The following HFM1 variants were observed in gnomAD, a reference collection of about 807,000 sequenced individuals.
HFM1 encodes helicase for meiosis 1, also known as probable ATP-dependent DNA helicase HFM1.
Under a neutral mutation model 192.1 loss-of-function variants are expected in HFM1, and 169 were observed. The ratio of observed to expected loss-of-function variants is 0.88; its 90% CI spans 0.78 to 1.00. The LOEUF (loss-of-function observed/expected upper bound fraction) is 1.00, where lower values mean the gene tolerates loss of function less well. Ranked by LOEUF, HFM1 falls within the 50% of genes least tolerant of loss-of-function variation. The probability of loss-of-function intolerance (pLI) is 0.00; values close to 1 mark genes in which losing one functional copy is unlikely to be tolerated. For synonymous variants in HFM1, 525 were observed against 537.8 expected, an observed-to-expected ratio of 0.98 and a Z score of 0.33; for missense variants, 1,661 against 1,668.0, an observed-to-expected ratio of 1.00 and a Z score of 0.07.
intron 13 of HFM1, among the ~76,000 whole-genome samples, chr1:91,366,495 T>C (rs1310727100): frequency 6.6e-6 from 1 of 152,236 alleles, no homozygotes; most frequent in Non-Finnish European, 1.5e-5. Context: ...TGTTTAGACC[T>C]ACTTACAGCC....
rs762279653 is a variant in HFM1, at chr1:91,337,067, T to C, written c.2335+6363A>G. Among the ~76,000 whole-genome samples, 63 of 152,080 alleles carry C rather than the reference T, an allele frequency of 4.1e-4. 1 individual carries two copies. The highest frequency in any genetic ancestry group is 6.8e-3 in the Middle Eastern group (2 of 294). ...GACGCGTTGTGGGGAACAACACACG[T>C]TGGGGTCTGTTGGGGAGGGCGAGGG... is the stretch of plus-strand genomic sequence containing the variant. On this transcript the variant is annotated intron_variant, in intron 20 of 38. Coordinates refer to ENST00000370425, the MANE Select transcript of HFM1 (RefSeq NM_001017975.6).
chr1:91,378,295 C>G, intron 10 of HFM1, 108 bp downstream of exon 10: 1 of 1,236,538 alleles, frequency 8.1e-7, no homozygotes, highest in Admixed American at 2.1e-5. Context: ...GCATTTTCCA[C>G]TTGAAGGGAT....
intron 30 of HFM1, among the ~76,000 whole-genome samples, chr1:91,299,853 C>G (rs1557809662): frequency 6.6e-6 from 1 of 151,898 alleles, no homozygotes; most frequent in Non-Finnish European, 1.5e-5. Context: ...AAATTGACAC[C>G]CTAACATCAG....
chr1:91,353,108 G>A lies in HFM1; in HGVS notation c.1774C>T (p.Leu592=). ...CCCTCAACTACTTTTCTATCTGACA[G>A]CTCCATACCAGCATGATGATAAGCA... ...GAAYHHAGME[L]SDRKVVEGAF... Residue 592 remains leucine, a synonymous_variant, in exon 15 of 39, where the codon CTG becomes TTG. Transcript: ENST00000370425. 6.2e-7 allele frequency: 1 copy of A among 1,611,058 alleles called. No homozygotes were observed. The highest frequency in any genetic ancestry group is 1.1e-5 in the South Asian group (1 of 90,898).
chr1:91,388,260 A>T (rs1287708812), intron 4 of HFM1, among the ~76,000 whole-genome samples: 1 of 152,196 alleles, frequency 6.6e-6, no homozygotes, highest in Non-Finnish European at 1.5e-5. Flanking sequence ...AGTTGGCCAG[A>T]CAGAAATGTG....
intron 36 of HFM1, 125 bp from the exon 37 acceptor site, chr1:91,262,717 TTG>T (rs1665284859): frequency 1.7e-6 from 1 of 600,702 alleles, no homozygotes; most frequent in Non-Finnish European, 2.9e-6. Flanking sequence ...ATGTAATGCA[TTG>T]TTTCTAATAT....
At position 91,385,696 on chromosome 1, in the gene HFM1, T is replaced by C. The variant is rs282026; in HGVS notation, c.633A>G (p.Gln211=). 1 allele frequency: 1,612,694 copies of C among 1,613,026 alleles called. 806,181 individuals carry two copies. Among genetic ancestry groups the C allele is most frequent in the East Asian group, 1 (44,822 of 44,822 alleles). The change falls in exon 5 of 39, where the codon CAA becomes CAG. Residue 211 remains glutamine (Q), a synonymous_variant. Coordinates refer to ENST00000370425, the MANE Select transcript of HFM1 (RefSeq NM_001017975.6). ...ACACATTTGCAGAATACTGAAATTT[T>C]TGCTTACTATTGCTATAGTTCCTTG... ...GKSRNYSNSK[Q]KFQYSANVFT... is the part of the protein sequence containing the mutation.
At chr1:91,396,743 C>T (rs1265188372) in intron 2 of HFM1, among the ~76,000 whole-genome samples, 1 of 152,184 alleles carries the variant, frequency 6.6e-6, no homozygotes, top group Non-Finnish European at 1.5e-5. Flanking sequence ...TTAACTATTA[C>T]AAGTAACAAA....
chr1:91,351,854 A>C (rs1297090262), intron 16 of HFM1, among the ~76,000 whole-genome samples: 1 of 151,986 alleles, frequency 6.6e-6, no homozygotes, highest in African/African-American at 2.4e-5. Flanking sequence ...TTTGGTTTCA[A>C]TGTAACATAA....
At chr1:91,290,372 G>GAA (rs1001644602) in intron 30 of HFM1, among the ~76,000 whole-genome samples, 1 of 151,610 alleles carries the variant, frequency 6.6e-6, no homozygotes, top group African/African-American at 2.4e-5. Flanking sequence ...CAAGCAAATG[G>GAA]AAAACAAAAA....
At chr1:91,404,428 C>A (rs369440166) in intron 1 of HFM1, among the ~76,000 whole-genome samples, 8 of 152,338 alleles carry the variant, frequency 5.3e-5, no homozygotes, top group East Asian at 3.9e-4. Flanking sequence ...TACGTCCCCC[C>A]CAGCGCTCGC....
At position 91,347,416 on chromosome 1, in the gene HFM1, A is replaced by T. The variant is rs754728418; in HGVS notation, c.2254+13T>A. On this transcript the variant is annotated intron_variant, in intron 19 of 38. Coordinates refer to ENST00000370425, the MANE Select transcript of HFM1 (RefSeq NM_001017975.6). ...TATATAGAATCTAATTTTTAGAATG[A>T]AATGCATCTAACCTTGTAATTTTGC... The T allele has an allele frequency of 1.9e-4, 283 of 1,479,424 alleles. 1 individual carries two copies. The highest frequency in any genetic ancestry group is 2.6e-4 in the Non-Finnish European group (275 of 1,077,292). 91.6% of individuals were successfully genotyped at this position (1,479,424 alleles called of 1,614,324 possible).
intron 2 of HFM1, 113 bp downstream of exon 2, chr1:91,400,899 T>G: frequency 1.9e-6 from 1 of 538,162 alleles, no homozygotes. Context: ...AATATCGTTC[T>G]GTTGATTCCT....
At chr1:91,311,885 A>C (rs1371731807) in intron 30 of HFM1, among the ~76,000 whole-genome samples, 3 of 152,130 alleles carry the variant, frequency 2.0e-5, no homozygotes, top group African/African-American at 7.2e-5. Context: ...TGCTGTGTGC[A>C]GCCTAGGGAT....
intron 30 of HFM1, among the ~76,000 whole-genome samples, chr1:91,283,398 C>T (rs1667638967): frequency 6.6e-6 from 1 of 152,058 alleles, no homozygotes; most frequent in South Asian, 2.1e-4. Context: ...CATGCACCAC[C>T]ACACCCAGCT....
intron 25 of HFM1, among the ~76,000 whole-genome samples, chr1:91,317,073 C>T (rs897252998): frequency 2.0e-5 from 3 of 152,142 alleles, no homozygotes; most frequent in African/African-American, 7.2e-5. Flanking sequence ...TAACTCTCCT[C>T]TTGCTGACTA....
chr1:91,395,376 G>T (rs951064024), intron 3 of HFM1, among the ~76,000 whole-genome samples: 1 of 152,066 alleles, frequency 6.6e-6, no homozygotes, highest in South Asian at 2.1e-4. Flanking sequence ...TTATGTACAC[G>T]TATGTATGTG....
At chr1:91,297,321 A>C (rs1647805016) in intron 30 of HFM1, among the ~76,000 whole-genome samples, 1 of 152,214 alleles carries the variant, frequency 6.6e-6, no homozygotes, top group African/African-American at 2.4e-5. Flanking sequence ...AGCCCACCAC[A>C]GCTCAAGGAG....
At chr1:91,279,157 TAA>T (rs1667234168) in intron 30 of HFM1, among the ~76,000 whole-genome samples, 1 of 152,082 alleles carries the variant, frequency 6.6e-6, no homozygotes, top group African/African-American at 2.4e-5. Flanking sequence ...AATCCTATAA[TAA>T]GATTCTGAAA....
Sources: allele counts gnomAD v4.1 joint callset (sites outside exome capture counted in the v4.1 genomes callset), GRCh38; gene constraint gnomAD v4.1.1; transcripts MANE v1.5; gene names NCBI Gene and HGNC (gene_info 2026-07-23, HGNC 2026-07-21).